The following DHX40 variants were observed in gnomAD, a reference collection of about 807,000 sequenced individuals.
DHX40 encodes the protein probable ATP-dependent RNA helicase DHX40.
A neutral mutation model predicts 89.6 loss-of-function variants in DHX40; 28 were observed. The ratio of observed to expected loss-of-function variants is 0.31; its 90% CI spans 0.23 to 0.43. The LOEUF is 0.43. Ranked by LOEUF, DHX40 falls within the 20% of genes least tolerant of loss-of-function variation. The pLI is 1.00. For missense variants in DHX40, 457 were observed against 844.0 expected, an observed-to-expected ratio of 0.54 and a Z score of 5.68; for synonymous variants, 226 against 283.6, an observed-to-expected ratio of 0.80 and a Z score of 2.04.
At chr17:59,566,521 C>T in intron 1 of DHX40, 106 bp from the exon 2 acceptor site, 1 of 1,108,428 alleles carries the variant, frequency 9.0e-7, no homozygotes, top group Admixed American at 3.4e-5. Flanking sequence ...ATGGATGATC[C>T]CGTCCAGCCC....
intron 10 of DHX40, among the ~76,000 whole-genome samples, chr17:59,583,608 C>T (rs187913377): frequency 9.8e-4 from 140 of 142,446 alleles, no homozygotes; most frequent in African/African-American, 3.3e-3. Flanking sequence ...AGGCCGGGTG[C>T]GGTGGCTCAC....
At chr17:59,601,767 G>C (rs1201697312) in intron 14 of DHX40, among the ~76,000 whole-genome samples, 1 of 152,064 alleles carries the variant, frequency 6.6e-6, no homozygotes, top group Non-Finnish European at 1.5e-5. Flanking sequence ...TTGTGTTCTA[G>C]TTACTTGGAA....
intron 8 of DHX40, among the ~76,000 whole-genome samples, chr17:59,578,975 A>G (rs1202869364): frequency 1.5e-5 from 2 of 133,374 alleles, no homozygotes; most frequent in Non-Finnish European, 3.2e-5. Flanking sequence ...ATAATATTGC[A>G]TAGTGTGTGT....
At chr17:59,600,780 G>T (rs559429384) in intron 14 of DHX40, among the ~76,000 whole-genome samples, 124 of 151,766 alleles carry the variant, frequency 8.2e-4, no homozygotes, top group African/African-American at 2.7e-3. Flanking sequence ...CCAGGAGTTT[G>T]AGGTTGCAGT....
At position 59,566,813 on chromosome 17, in the gene DHX40, A is replaced by G; in HGVS notation, c.280+19A>G. 1.3e-6 allele frequency: 2 copies of G among 1,550,006 alleles called. No individual in the cohort carries two copies. Among genetic ancestry groups the G allele is most frequent in the African/African-American group, 2.8e-5 (2 of 71,320 alleles). The stretch of plus-strand genomic sequence containing the variant: ...GAAGCAGGTGATTTTTTTCTGTTGT[A>G]ATAATTGGAAATATTTTAAAAATAT... On this transcript the variant is annotated intron_variant, in intron 2 of 17. Coordinates refer to ENST00000251241, the MANE Select transcript of DHX40 (RefSeq NM_024612.5).
intron 13 of DHX40, 90 bp downstream of exon 13, chr17:59,598,941 C>G: frequency 1.4e-6 from 1 of 699,620 alleles, no homozygotes; most frequent in Non-Finnish European, 2.6e-6. Context: ...CACTAACGTT[C>G]AGTGAAGATG....
rs776543334 is a variant in DHX40 at position 59,605,798 on chromosome 17, G to A, written c.2200+124G>A. The A allele has an allele frequency of 1.5e-5, 14 of 943,696 alleles. 1 individual carries two copies. The South Asian group carries it at 1.8e-4, about 12-fold the overall frequency. 58.5% of individuals were successfully genotyped at this position (943,696 alleles called of 1,614,324 possible). A position where few individuals can be genotyped will look rare whatever the true frequency, so the allele number is the denominator to read the frequency against. ...GCAATGTGGTGAGATCCCATCTCTA[G>A]CAAAATAAAAATAAAAATTAGCCAG... is the stretch of plus-strand genomic sequence containing the variant. On this transcript the variant is annotated intron_variant, in intron 17 of 17. Transcript: ENST00000251241.
chr17:59,604,999 C>T (rs529901552), intron 15 of DHX40, 116 bp from the exon 16 acceptor site: 1 of 823,364 alleles, frequency 1.2e-6, no homozygotes, highest in Non-Finnish European at 2.0e-6. Context: ...TAAACCTCTG[C>T]TTATAATGCT....
At chr17:59,568,235 AT>A (rs1421217547) in intron 2 of DHX40, among the ~76,000 whole-genome samples, 6 of 152,190 alleles carry the variant, frequency 3.9e-5, no homozygotes, top group African/African-American at 1.2e-4. Context: ...GTCAAAAAAA[AT>A]AAATAAAAAT....
intron 17 of DHX40, chr17:59,605,927 T>C (rs1007405931): frequency 1.9e-6 from 1 of 517,552 alleles, no homozygotes; most frequent in Non-Finnish European, 3.5e-6. Context: ...ATTTCACCAG[T>C]GCACTCCAGC....
In DHX40 at chr17:59,570,610, A is replaced by G. The variant is rs1386574596; in HGVS notation, c.373A>G (p.Thr125Ala). The change falls in exon 3 of 18, where the codon ACT becomes GCT. Residue 125 changes from threonine (T) to alanine (A), a missense_variant. Thr to Ala is a moderately conservative substitution (Grantham distance 58). Around this residue, in one of 9 missense-constraint regions of DHX40, gnomAD observed 61 missense variants for 100.4 expected, o/e 0.61. Transcript: ENST00000251241. ...AQRVAEEMKC[T>A]LGSKVGYQVR... is the part of the protein sequence containing the mutation. ...GAGAGTAGCTGAAGAAATGAAATGC[A>G]CTTTGGGATCCAAAGTAGGATACCA... 2 of 1,609,602 alleles carry G rather than the reference A, an allele frequency of 1.2e-6. No individual in the cohort carries two copies. The highest frequency in any genetic ancestry group is 1.7e-6 in the Non-Finnish European group (2 of 1,178,052).
chr17:59,585,351 G>C (rs1444201830), intron 10 of DHX40, among the ~76,000 whole-genome samples: 3 of 140,078 alleles, frequency 2.1e-5, no homozygotes, highest in African/African-American at 8.4e-5. Context: ...AGTGAGCCGA[G>C]ATTGCCACAC....
intron 15 of DHX40, 86 bp downstream of exon 15, chr17:59,602,702 G>C (rs2030607929): frequency 8.6e-7 from 1 of 1,158,274 alleles, no homozygotes; most frequent in Non-Finnish European, 1.2e-6. Context: ...AAACATTGAA[G>C]ATTTGATTTA....
At chr17:59,574,356 A>G (rs931688197) in intron 6 of DHX40, 102 bp downstream of exon 6, 1 of 359,710 alleles carries the variant, frequency 2.8e-6, no homozygotes, top group Non-Finnish European at 5.3e-6. Context: ...TGCCCTTCTC[A>G]AGTGTTGCCC....
At chr17:59,604,935 A>G (rs1447835756) in intron 15 of DHX40, 180 bp from the exon 16 acceptor site, 2 of 597,970 alleles carry the variant, frequency 3.3e-6, no homozygotes, top group Non-Finnish European at 6.0e-6. Context: ...TTTAACCTGT[A>G]TAATTAATTT....
At chr17:59,585,409 A>C (rs1358265050) in intron 10 of DHX40, among the ~76,000 whole-genome samples, 1 of 146,904 alleles carries the variant, frequency 6.8e-6, no homozygotes, top group African/African-American at 2.6e-5. Context: ...CAAAAAAAAA[A>C]AAAATTAAAT....
chr17:59,600,112 C>G (rs1040628923), intron 14 of DHX40, among the ~76,000 whole-genome samples: 1 of 152,146 alleles, frequency 6.6e-6, no homozygotes, highest in Non-Finnish European at 1.5e-5. Flanking sequence ...GCATGAGCCA[C>G]TGCACCTGTC....
intron 1 of DHX40, among the ~76,000 whole-genome samples, 168 bp from the exon 2 acceptor site, chr17:59,566,459 A>C (rs1234066065): frequency 6.6e-6 from 1 of 152,000 alleles, no homozygotes; most frequent in African/African-American, 2.4e-5. Flanking sequence ...ACCCTCACTT[A>C]CAAATTGCGC....
At chr17:59,567,919 G>A (rs370581584) in intron 2 of DHX40, among the ~76,000 whole-genome samples, 5 of 150,230 alleles carry the variant, frequency 3.3e-5, no homozygotes, top group African/African-American at 9.8e-5. Flanking sequence ...GAGACAGAGT[G>A]AGACTCCGTC....
Sources: gnomAD v4.1 joint callset for allele counts (sites outside exome capture counted in the v4.1 genomes callset) on GRCh38, gnomAD v4.1.1 for gene constraint, gnomAD v4.1.1 regional missense constraint, MANE v1.5 for transcripts, NCBI Gene and HGNC (gene_info 2026-07-23, HGNC 2026-07-21) for gene names.